The following COL21A1 variants were observed in gnomAD, a reference collection of about 807,000 sequenced individuals.
COL21A1 encodes collagen type XXI alpha 1 chain.
In COL21A1, 149 loss-of-function variants were observed where a neutral mutation model predicts 137.9. The ratio of observed to expected loss-of-function variants is 1.08; its 90% CI spans 0.95 to 1.24. The LOEUF is 1.24. Ranked by LOEUF, COL21A1 falls within the 50% of genes most tolerant of loss-of-function variation. COL21A1 has a pLI of 0.00. For missense variants in COL21A1, 1,167 were observed against 1,158.4 expected (o/e 1.01, Z -0.11); for synonymous variants, 456 against 391.5 (o/e 1.16, Z -1.95).
chr6:56,060,759 A>C lies in COL21A1; in HGVS notation c.2389T>G (p.Cys797Gly), dbSNP rs1933820213. The C allele has an allele frequency of 6.2e-7, 1 of 1,609,332 alleles. No individual in the cohort carries two copies. Among genetic ancestry groups the C allele is most frequent in the East Asian group, 2.2e-5 (1 of 44,804 alleles). ...EFSEQFIRQV[C>G]TDVIRAQLPV... The stretch of plus-strand genomic sequence containing the variant: ...TACCTACCTCTTATTACATCTGTGC[A>C]AACTTGTCGAATAAATTGTTCTGAA... Residue 797 changes from cysteine (C) to glycine (G), a missense_variant, in exon 27 of 30, where the codon TGC becomes GGC. Transcript: ENST00000244728.
intron 21 of COL21A1, among the ~76,000 whole-genome samples, chr6:56,070,222 G>A (rs866031974): frequency 2.6e-5 from 4 of 151,448 alleles, no homozygotes; most frequent in Admixed American, 1.3e-4. Context: ...AAAAGAAAAG[G>A]AGGCTTTATT....
chr6:56,298,777 A>G (rs1764216214), intron 1 of COL21A1, among the ~76,000 whole-genome samples: 2 of 152,078 alleles, frequency 1.3e-5, no homozygotes, highest in South Asian at 4.1e-4. Flanking sequence ...AGCAACAGAG[A>G]CCAGACGCAG....
intron 1 of COL21A1, among the ~76,000 whole-genome samples, chr6:56,296,939 A>G (rs1223116987): frequency 6.6e-6 from 1 of 151,966 alleles, no homozygotes; most frequent in Non-Finnish European, 1.5e-5. Context: ...ATGACTAGCA[A>G]CCCAAATTAG....
intron 16 of COL21A1, among the ~76,000 whole-genome samples, chr6:56,105,037 A>T (rs556757154): frequency 6.6e-6 from 1 of 152,282 alleles, no homozygotes; most frequent in African/African-American, 2.4e-5. Context: ...TCATTTGTAA[A>T]CAAATCACTA....
Position 56,359,706 on chromosome 6 carries a change from T to C in COL21A1, c.-39+34265A>G, listed in dbSNP as rs557020152. The stretch of plus-strand genomic sequence containing the variant: ...TGATATATTAATGGAGGATGGAAGA[T>C]AAAGACTTCCAGTCTTGACCAAGTA... On this transcript the variant is annotated intron_variant, in intron 1 of 28. Coordinates refer to the COL21A1 transcript ENST00000370819. 1.1e-4 allele frequency among the ~76,000 whole-genome samples: 17 copies of C among 152,282 alleles called. No individual in the cohort carries two copies. In the East Asian group the frequency reaches 2.1e-3, roughly 19 times the overall value.
intron 16 of COL21A1, among the ~76,000 whole-genome samples, chr6:56,104,937 C>A (rs546439674): frequency 1.3e-5 from 2 of 152,256 alleles, no homozygotes; most frequent in East Asian, 3.9e-4. Flanking sequence ...GTTTACTGAT[C>A]ATGAAAATAT....
At chr6:56,127,592 A>G (rs1022854095) in intron 12 of COL21A1, among the ~76,000 whole-genome samples, 12 of 152,220 alleles carry the variant, frequency 7.9e-5, no homozygotes, top group Admixed American at 3.9e-4. Flanking sequence ...ATCTCTGAAA[A>G]TGTCCTTATT....
At chr6:56,125,413 T>C (rs9382582) in intron 14 of COL21A1, 154 bp downstream of exon 14, 1 of 462,106 alleles carries the variant, frequency 2.2e-6, no homozygotes, top group South Asian at 6.5e-5. Flanking sequence ...TCTTTTTTTC[T>C]TTTTTTTCTT....
intron 1 of COL21A1, among the ~76,000 whole-genome samples, chr6:56,218,000 AAGAG>A (rs1780597434): frequency 6.6e-6 from 1 of 152,106 alleles, no homozygotes; most frequent in Non-Finnish European, 1.5e-5. Context: ...ATGAAACCTC[AAGAG>A]CTTCACATAT....
At chr6:56,146,962 T>C (rs1774883951) in intron 10 of COL21A1, among the ~76,000 whole-genome samples, 1 of 152,100 alleles carries the variant, frequency 6.6e-6, no homozygotes, top group South Asian at 2.1e-4. Context: ...GCTAAGCACA[T>C]AAATGAAAAA....
In COL21A1 at chr6:56,307,579, G is replaced by A. The variant is rs558614519; in HGVS notation, c.-39+86392C>T. Among the ~76,000 whole-genome samples, 13 of 152,352 alleles carry A rather than the reference G, an allele frequency of 8.5e-5. No individual in the cohort carries two copies. In the East Asian group the frequency reaches 1.9e-3, roughly 23 times the overall value. ...TTGCTAAGACCGTTGGAAAAACACA[G>A]TATTAGGGTGGGAGTGACCCGATTT... On this transcript the variant is annotated intron_variant, in intron 1 of 28. Coordinates refer to the COL21A1 transcript ENST00000370819.
At chr6:56,058,976 T>C (rs951300959) in intron 29 of COL21A1, among the ~76,000 whole-genome samples, 189 bp downstream of exon 29, 6 of 152,132 alleles carry the variant, frequency 3.9e-5, no homozygotes, top group Admixed American at 3.9e-4. Context: ...AGAGATAATA[T>C]TGAAGGATTC....
chr6:56,069,947 C>T (rs1360079585), intron 21 of COL21A1, among the ~76,000 whole-genome samples: 1 of 151,330 alleles, frequency 6.6e-6, no homozygotes, highest in Non-Finnish European at 1.5e-5. Context: ...TTTTTCAGTA[C>T]AGGGTGTATT....
intron 17 of COL21A1, among the ~76,000 whole-genome samples, chr6:56,085,157 T>C (rs184599323): frequency 1.3e-5 from 2 of 152,184 alleles, no homozygotes; most frequent in East Asian, 3.9e-4. Context: ...ATTAGATCTA[T>C]AATTACAGAT....
intron 1 of COL21A1, among the ~76,000 whole-genome samples, chr6:56,289,542 C>T (rs1763991533): frequency 6.6e-6 from 1 of 152,188 alleles, no homozygotes; most frequent in African/African-American, 2.4e-5. Flanking sequence ...TAGTCTCCAG[C>T]ATCTAGAAAA....
At chr6:56,218,406 T>TTAA (rs543781361) in intron 1 of COL21A1, among the ~76,000 whole-genome samples, 260 of 152,228 alleles carry the variant, frequency 1.7e-3, no homozygotes, top group Non-Finnish European at 3.2e-3. Context: ...AAGGTGCTCT[T>TTAA]TAACTGTATA....
At chr6:56,253,458 A>G (rs1042323971) in intron 1 of COL21A1, among the ~76,000 whole-genome samples, 7 of 152,302 alleles carry the variant, frequency 4.6e-5, no homozygotes, top group African/African-American at 1.7e-4. Flanking sequence ...AGTACCATGT[A>G]AGCCTAGATC....
intron 16 of COL21A1, among the ~76,000 whole-genome samples, chr6:56,104,701 T>C (rs1770729018): frequency 6.6e-6 from 1 of 152,198 alleles, no homozygotes; most frequent in Non-Finnish European, 1.5e-5. Flanking sequence ...ATGCTTAACA[T>C]TATTTCTCAA....
chr6:56,108,129 A>C (rs1771113970), intron 16 of COL21A1, among the ~76,000 whole-genome samples: 1 of 152,014 alleles, frequency 6.6e-6, no homozygotes, highest in Non-Finnish European at 1.5e-5. Context: ...AATTTTCCTA[A>C]ATCCCAAAGA....
Sources: allele counts gnomAD v4.1 joint callset (sites outside exome capture counted in the v4.1 genomes callset), GRCh38; gene constraint gnomAD v4.1.1; transcripts MANE v1.5; gene names NCBI Gene and HGNC (gene_info 2026-07-23, HGNC 2026-07-21).